Variants in DYNC1I2 observed in about 807,000 individuals in gnomAD.
The protein encoded by DYNC1I2 is cytoplasmic dynein 1 intermediate chain 2.
DYNC1I2 carries 53 observed loss-of-function variants against 88.6 expected under a neutral mutation model. The ratio of observed to expected loss-of-function variants is 0.60; its 90% CI spans 0.48 to 0.75. The LOEUF is 0.75. Ranked by LOEUF, DYNC1I2 falls within the 30% of genes least tolerant of loss-of-function variation. The probability of loss-of-function intolerance (pLI) is 0.00; values close to 1 mark genes in which losing one functional copy is unlikely to be tolerated. For missense variants in DYNC1I2, 458 were observed against 766.6 expected, an observed-to-expected ratio of 0.60 and a Z score of 4.75; for synonymous variants, 198 against 254.6, an observed-to-expected ratio of 0.78 and a Z score of 2.12.
chr2:171,700,128 G>A (rs1324490920), intron 3 of DYNC1I2, among the ~76,000 whole-genome samples: 2 of 152,100 alleles, frequency 1.3e-5, no homozygotes, highest in South Asian at 2.1e-4. Flanking sequence ...ACTGAGGCTC[G>A]AGGACTTGCT....
At chr2:171,710,148 C>T (rs1687009385) in intron 5 of DYNC1I2, among the ~76,000 whole-genome samples, 1 of 149,254 alleles carries the variant, frequency 6.7e-6, no homozygotes, top group Admixed American at 6.6e-5. Flanking sequence ...CACACACACA[C>T]ACACACACAC....
rs775923868 is a variant in DYNC1I2 at position 171,725,732 on chromosome 2, CT to C, written c.607+22del. On this transcript the variant is annotated intron_variant, in intron 8 of 17. Transcript: ENST00000397119. ...AGTAAAGGTATCTTAAGGAATTAAA[CT>C]TTAAAACATTTTGTTGATTTCTGTT... The C allele has an allele frequency of 6.1e-6, 9 of 1,481,912 alleles. No homozygotes were observed. The East Asian group carries it at 1.9e-4, about 31-fold the overall frequency. The allele number at this position is 1,481,912 out of a possible 1,614,324, so 91.8% of individuals were successfully genotyped here.
intron 14 of DYNC1I2, 123 bp from the exon 15 acceptor site, chr2:171,729,586 G>A: frequency 1.0e-6 from 1 of 976,112 alleles, no homozygotes. Context: ...GATAAGTTAT[G>A]AGCACAGAGT....
At chr2:171,719,361 G>T (rs1687749788) in intron 7 of DYNC1I2, among the ~76,000 whole-genome samples, 3 of 152,170 alleles carry the variant, frequency 2.0e-5, no homozygotes, top group Admixed American at 6.5e-5. Context: ...ATAAGTTTTA[G>T]AAAGAAGGAA....
chr2:171,696,125 C>G (rs1685749883), intron 3 of DYNC1I2, among the ~76,000 whole-genome samples: 7 of 152,068 alleles, frequency 4.6e-5, no homozygotes, highest in Admixed American at 4.6e-4. Context: ...CTGTTTTAGT[C>G]TTTTTAAAAA....
intron 3 of DYNC1I2, among the ~76,000 whole-genome samples, chr2:171,698,190 GCATTGTTTTTGTAATTCTGC>G (rs1431851848): frequency 6.6e-6 from 1 of 152,138 alleles, no homozygotes; most frequent in Admixed American, 6.5e-5. Flanking sequence ...AAGAGTTGCA[GCATTGTTTTTGTAATTCTGC>G]CATTCTTTCT....
chr2:171,699,591 AGTGTGT>A (rs3223500), intron 3 of DYNC1I2, among the ~76,000 whole-genome samples: 2,894 of 137,736 alleles, frequency 0.021, 42 homozygotes, highest in Non-Finnish European at 0.029. Context: ...CATCATTTGG[AGTGTGT>A]GTGTGTGTGT....
At chr2:171,747,643 C>T (rs1190533547) in intron 17 of DYNC1I2, 133 bp from the exon 18 acceptor site, 12 of 593,576 alleles carry the variant, frequency 2.0e-5, no homozygotes, top group East Asian at 5.8e-5. Context: ...TTATAGTCCC[C>T]GTAATTATGG....
At chr2:171,719,987 T>C (rs1172666595) in intron 7 of DYNC1I2, among the ~76,000 whole-genome samples, 1 of 152,092 alleles carries the variant, frequency 6.6e-6, no homozygotes, top group African/African-American at 2.4e-5. Flanking sequence ...TTAACTCTTT[T>C]GAAAAAATGG....
chr2:171,715,029 C>T (rs1687390466), intron 6 of DYNC1I2, among the ~76,000 whole-genome samples: 1 of 152,136 alleles, frequency 6.6e-6, no homozygotes, highest in African/African-American at 2.4e-5. Flanking sequence ...CAGTGGTCCA[C>T]TCTGAAGTTC....
At chr2:171,726,111 T>C in intron 9 of DYNC1I2, 30 bp downstream of exon 9, 1 of 1,559,662 alleles carries the variant, frequency 6.4e-7, no homozygotes, top group Non-Finnish European at 8.7e-7. Flanking sequence ...ATTTTTAGCT[T>C]CAATAATGTT....
intron 1 of DYNC1I2, among the ~76,000 whole-genome samples, chr2:171,689,816 A>G (rs181260705): frequency 1.3e-4 from 19 of 151,298 alleles, no homozygotes; most frequent in Admixed American, 5.3e-4. Flanking sequence ...GGCTCCAGCA[A>G]TCCTTCCAAG....
At chr2:171,741,617 G>A (rs1241620594) in intron 15 of DYNC1I2, among the ~76,000 whole-genome samples, 4 of 152,158 alleles carry the variant, frequency 2.6e-5, no homozygotes, top group Non-Finnish European at 4.4e-5. Context: ...CTCCCATTGT[G>A]TAGGTTCTCT....
chr2:171,729,039 G>A (rs1014963479), intron 14 of DYNC1I2, among the ~76,000 whole-genome samples, 189 bp downstream of exon 14: 1 of 152,092 alleles, frequency 6.6e-6, no homozygotes, highest in Non-Finnish European at 1.5e-5. Context: ...TTCATGATGT[G>A]TTTAGATTTT....
chr2:171,729,846 C>T lies in DYNC1I2; in HGVS notation c.1529C>T (p.Thr510Ile). 6.2e-7 allele frequency: 1 copy of T among 1,613,520 alleles called. No homozygotes were observed. Residue 510 changes from threonine to isoleucine, a missense_variant, in exon 15 of 18, where the codon ACA (threonine) becomes ATA (isoleucine). Physicochemically the swap from Thr to Ile is moderately conservative, Grantham distance 89. Coordinates refer to ENST00000397119, the MANE Select transcript of DYNC1I2 (RefSeq NM_001378.3). ...SSFDWTVKLW[T>I]TKNNKPLYSF... ...TTTGACTGGACAGTAAAGCTTTGGA[C>T]AACTAAGGTATCTAAAATATAGATG...
chr2:171,721,414 A>G (rs1344656528), intron 7 of DYNC1I2, among the ~76,000 whole-genome samples: 1 of 152,162 alleles, frequency 6.6e-6, no homozygotes, highest in African/African-American at 2.4e-5. Flanking sequence ...TTTAATATGC[A>G]TCTGATTTTA....
intron 15 of DYNC1I2, among the ~76,000 whole-genome samples, chr2:171,738,775 G>A (rs781016983): frequency 2.0e-4 from 31 of 152,180 alleles, no homozygotes; most frequent in Non-Finnish European, 3.4e-4. Flanking sequence ...CAGAGATACC[G>A]ATGAAGTGCA....
chr2:171,719,096 T>G (rs999940507), intron 7 of DYNC1I2, among the ~76,000 whole-genome samples: 1 of 152,174 alleles, frequency 6.6e-6, no homozygotes, highest in Non-Finnish European at 1.5e-5. Context: ...ATTTGCTCTA[T>G]GTAAAGGCAC....
At chr2:171,723,751 C>G (rs994862436) in intron 7 of DYNC1I2, among the ~76,000 whole-genome samples, 10 of 152,188 alleles carry the variant, frequency 6.6e-5, no homozygotes, top group Non-Finnish European at 1.2e-4. Flanking sequence ...GTGGCGATCA[C>G]TAAGAATTCT....
Sources: allele counts gnomAD v4.1 joint callset (sites outside exome capture counted in the v4.1 genomes callset), GRCh38; gene constraint gnomAD v4.1.1; transcripts MANE v1.5; gene names NCBI Gene and HGNC (gene_info 2026-07-23, HGNC 2026-07-21).